Variants in TOMM70 observed in about 807,000 individuals in gnomAD.
TOMM70 encodes the protein mitochondrial import receptor subunit TOM70.
Under a neutral mutation model 73.6 loss-of-function variants are expected in TOMM70, and 13 were observed. The ratio of observed to expected loss-of-function variants is 0.18; its 90% CI spans 0.11 to 0.28. TOMM70 has a LOEUF of 0.28. Ranked by LOEUF, TOMM70 falls within the 10% of genes least tolerant of loss-of-function variation. The probability of loss-of-function intolerance (pLI) is 1.00; values close to 1 mark genes in which losing one functional copy is unlikely to be tolerated. For missense variants in TOMM70, 609 were observed against 747.5 expected (o/e 0.81, Z 2.16); for synonymous variants, 257 against 271.2 (o/e 0.95, Z 0.51).
intron 1 of TOMM70, among the ~76,000 whole-genome samples, chr3:100,391,516 A>T (rs2119686): frequency 0.74 from 113,134 of 151,950 alleles, 42,933 homozygotes; most frequent in East Asian, 0.93. Context: ...AAAAAAAAAA[A>T]TTTTTTTAAT....
chr3:100,378,031 G>T (rs560514876), intron 5 of TOMM70, 119 bp from the exon 6 acceptor site: 4 of 783,422 alleles, frequency 5.1e-6, no homozygotes, highest in Non-Finnish European at 8.0e-6. Flanking sequence ...CGGATCACGA[G>T]GTCAGGCATT....
At chr3:100,396,138 C>A (rs561395599) in intron 1 of TOMM70, among the ~76,000 whole-genome samples, 1 of 151,214 alleles carries the variant, frequency 6.6e-6, no homozygotes, top group Non-Finnish European at 1.5e-5. Context: ...GTTAACTAAG[C>A]TTAGAGGGAA....
chr3:100,394,553 G>C (rs1706800449), intron 1 of TOMM70, among the ~76,000 whole-genome samples: 1 of 152,048 alleles, frequency 6.6e-6, no homozygotes, highest in Non-Finnish European at 1.5e-5. Context: ...ACCCAGGCTG[G>C]AGTGCAATGG....
rs569652243 is a variant in TOMM70 at position 100,382,793 on chromosome 3, A to C, written c.736-1030T>G. Among the ~76,000 whole-genome samples, 4 of 152,316 alleles carry C rather than the reference A, an allele frequency of 2.6e-5. No homozygotes were observed. In the East Asian group the frequency reaches 7.7e-4, roughly 29 times the overall value. ...AAAGTGAAAATAAACGGTTACAAGAAAGGGATTTAAGTATCAAAGGAACAG... is the reference window on the plus strand; with the variant it reads ...AAAGTGAAAATAAACGGTTACAAGACAGGGATTTAAGTATCAAAGGAACAG... On this transcript the variant is annotated intron_variant, in intron 4 of 11. Coordinates refer to ENST00000284320, the MANE Select transcript of TOMM70 (RefSeq NM_014820.5).
chr3:100,367,767 T>C (rs903272273), intron 11 of TOMM70, among the ~76,000 whole-genome samples: 1 of 152,212 alleles, frequency 6.6e-6, no homozygotes, highest in Non-Finnish European at 1.5e-5. Flanking sequence ...AATGTTCTTA[T>C]CCAACTCTGA....
At chr3:100,383,441 T>C (rs1451598168) in intron 4 of TOMM70, among the ~76,000 whole-genome samples, 1 of 151,454 alleles carries the variant, frequency 6.6e-6, no homozygotes, top group Non-Finnish European at 1.5e-5. Context: ...GAGAATTGCT[T>C]GAACCTGGGA....
rs764382687 is a variant in TOMM70 at position 100,400,669 on chromosome 3, G to A, written c.281C>T (p.Pro94Leu). 144 of 1,612,218 alleles carry A rather than the reference G, an allele frequency of 8.9e-5. No homozygotes were observed. Among genetic ancestry groups the A allele is most frequent in the Non-Finnish European group, 1.2e-4 (141 of 1,179,738 alleles). Reference sequence around the variant, plus strand: ...GGGACCTTCAGGGTGTCCGCTGCCCGGGGCCGGACTGGCCCTGCCCTCCGG... The same window carrying A: ...GGGACCTTCAGGGTGTCCGCTGCCCAGGGCCGGACTGGCCCTGCCCTCCGG... Reference protein sequence around the residue: ...KTPEGRASPAPGSGHPEGPGA... With the variant: ...KTPEGRASPALGSGHPEGPGA... Residue 94 changes from proline (P) to leucine (L), a missense_variant, in exon 1 of 12, where the codon CCG becomes CTG. Physicochemically the swap from Pro to Leu is moderately conservative, Grantham distance 98. Transcript: ENST00000284320.
At chr3:100,396,262 C>T (rs1441241953) in intron 1 of TOMM70, among the ~76,000 whole-genome samples, 3 of 152,060 alleles carry the variant, frequency 2.0e-5, no homozygotes, top group Admixed American at 6.6e-5. Flanking sequence ...ATGCAGTCCT[C>T]GACCCTTTAC....
chr3:100,400,221 G>T (rs1296609834), intron 1 of TOMM70, among the ~76,000 whole-genome samples: 2 of 152,106 alleles, frequency 1.3e-5, no homozygotes, highest in Non-Finnish European at 2.9e-5. Flanking sequence ...TTATTAAAAG[G>T]CTCTTAGCGA....
chr3:100,378,310 C>A (rs1049328872), intron 5 of TOMM70, among the ~76,000 whole-genome samples: 1 of 151,986 alleles, frequency 6.6e-6, no homozygotes, highest in Non-Finnish European at 1.5e-5. Flanking sequence ...ATTTGGCACA[C>A]CTGAGTTAAT....
In TOMM70 at chr3:100,372,466, A is replaced by C. The variant is rs988658693; in HGVS notation, c.1452+140T>G. 5 of 645,244 alleles carry C rather than the reference A, an allele frequency of 7.7e-6. No homozygotes were observed. In the African/African-American group the frequency reaches 9.1e-5, roughly 12 times the overall value. The allele number at this position is 645,244 out of a possible 1,614,324, so 40.0% of individuals were successfully genotyped here. On this transcript the variant is annotated intron_variant, in intron 9 of 11. Coordinates refer to ENST00000284320, the MANE Select transcript of TOMM70 (RefSeq NM_014820.5). ...CTTCTGAGGTGATTCGGGACCAACC[A>C]GGGGCCATGAGAATCAATCAGGAAC...
chr3:100,387,792 C>T, intron 1 of TOMM70, among the ~76,000 whole-genome samples: 1 of 152,054 alleles, frequency 6.6e-6, no homozygotes, highest in East Asian at 1.9e-4. Context: ...TGCACTACCA[C>T]ATCTGGCTAA....
intron 1 of TOMM70, among the ~76,000 whole-genome samples, chr3:100,395,283 C>CGGTTGAACCCGGGAGGCAGA (rs1404315664): frequency 6.6e-6 from 1 of 152,064 alleles, no homozygotes; most frequent in Admixed American, 6.6e-5. Context: ...GCAGGAGAAT[C>CGGTTGAACCCGGGAGGCAGA]GGTTGAACCC....
chr3:100,370,569 T>C (rs1202123379), intron 9 of TOMM70, among the ~76,000 whole-genome samples: 1 of 152,194 alleles, frequency 6.6e-6, no homozygotes, highest in East Asian at 1.9e-4. Flanking sequence ...TATCAGACTA[T>C]GCTCAAGCTG....
chr3:100,394,332 G>A (rs1293407969), intron 1 of TOMM70, among the ~76,000 whole-genome samples: 1 of 149,648 alleles, frequency 6.7e-6, no homozygotes, highest in East Asian at 2.0e-4. Flanking sequence ...GAGAAACAAT[G>A]TTTCAATACT....
intron 1 of TOMM70, among the ~76,000 whole-genome samples, chr3:100,392,003 T>C (rs1019061851): frequency 6.6e-6 from 1 of 152,198 alleles, no homozygotes; most frequent in African/African-American, 2.4e-5. Flanking sequence ...ACTGGATCTT[T>C]TCTATGTTTA....
Position 100,365,632 on chromosome 3 carries a change from G to A in TOMM70, c.1759C>T (p.Leu587Phe). 6.2e-7 allele frequency: 1 copy of A among 1,614,216 alleles called. No individual in the cohort carries two copies. Among genetic ancestry groups the A allele is most frequent in the Non-Finnish European group, 8.5e-7 (1 of 1,180,032 alleles). Residue 587 changes from leucine to phenylalanine, a missense_variant, in exon 12 of 12, where the codon CTT becomes TTT. This residue lies in a region of TOMM70 where 432 missense variants were observed against 584.1 expected (regional missense o/e 0.74). Coordinates refer to ENST00000284320, the MANE Select transcript of TOMM70 (RefSeq NM_014820.5). ...GTCTGGGCATGGGCGGCATCGCAAA[G>A]TGAATACAGATGGGCCATCTCCATT... ...SEMEMAHLYS[L>F]CDAAHAQTEV...
chr3:100,389,813 G>C (rs994930352), intron 1 of TOMM70, among the ~76,000 whole-genome samples: 12 of 152,024 alleles, frequency 7.9e-5, no homozygotes, highest in African/African-American at 2.9e-4. Context: ...AGGCTGAGGC[G>C]GGTGGATTAC....
chr3:100,392,068 A>T (rs1327433139), intron 1 of TOMM70, among the ~76,000 whole-genome samples: 1 of 152,200 alleles, frequency 6.6e-6, no homozygotes, highest in Non-Finnish European at 1.5e-5. Context: ...CAGCACAATA[A>T]AATGCAGTAC....
Sources: gnomAD v4.1 joint callset for allele counts (sites outside exome capture counted in the v4.1 genomes callset) on GRCh38, gnomAD v4.1.1 for gene constraint, gnomAD v4.1.1 regional missense constraint, MANE v1.5 for transcripts, NCBI Gene and HGNC (gene_info 2026-07-23, HGNC 2026-07-21) for gene names.